Variants in BEND5 observed in about 807,000 individuals in gnomAD.
The protein encoded by BEND5 is BEN domain-containing protein 5.
In BEND5, 22 loss-of-function variants were observed where a neutral mutation model predicts 43.9. The ratio of observed to expected loss-of-function variants is 0.50; its 90% CI spans 0.36 to 0.72. The LOEUF (loss-of-function observed/expected upper bound fraction) is 0.72. Ranked by LOEUF, BEND5 falls within the 30% of genes least tolerant of loss-of-function variation. BEND5 has a pLI of 0.00. For missense variants in BEND5, 428 were observed against 550.6 expected, an observed-to-expected ratio of 0.78 and a Z score of 2.23; for synonymous variants, 228 against 225.9, an observed-to-expected ratio of 1.01 and a Z score of -0.08.
At chr1:48,728,444 T>C (rs1647552147) in intron 5 of BEND5, among the ~76,000 whole-genome samples, 1 of 151,492 alleles carries the variant, frequency 6.6e-6, no homozygotes, top group Non-Finnish European at 1.5e-5. Flanking sequence ...CCATTTTCAA[T>C]CTTTTTATAA....
At chr1:48,728,428 T>C (rs1302343237) in intron 5 of BEND5, among the ~76,000 whole-genome samples, 2 of 152,036 alleles carry the variant, frequency 1.3e-5, no homozygotes, top group African/African-American at 4.8e-5. Context: ...TAAAATAGTT[T>C]ATTTTCCATT....
intron 5 of BEND5, among the ~76,000 whole-genome samples, chr1:48,734,034 C>T (rs946399123): frequency 6.6e-5 from 10 of 152,166 alleles, no homozygotes; most frequent in Admixed American, 2.0e-4. Flanking sequence ...AATTAGAGGT[C>T]GGTCACCTAC....
At chr1:48,759,503 CAA>C in intron 2 of BEND5, 5 of 938,620 alleles carry the variant, frequency 5.3e-6, no homozygotes, top group East Asian at 2.9e-5. Context: ...GGGGCTTGCC[CAA>C]AGTCATAACC....
In BEND5 at chr1:48,761,593, C is replaced by G. The variant is rs888563037; in HGVS notation, c.227-123G>C. ...GGCCAGACCAGTTAAAAAGGAAAAA[C>G]AAACAGACTCAAGGCTGGTTCCCTC... On this transcript the variant is annotated intron_variant, in intron 1 of 5. Coordinates refer to ENST00000371833, the MANE Select transcript of BEND5 (RefSeq NM_024603.4). 3 of 993,924 alleles carry G rather than the reference C, an allele frequency of 3.0e-6. No homozygotes were observed. In the Admixed American group the frequency reaches 8.3e-5, roughly 27 times the overall value. The allele number at this position is 993,924 out of a possible 1,614,324, so 61.6% of individuals were successfully genotyped here.
chr1:48,737,233 G>T (rs190570027), intron 4 of BEND5, among the ~76,000 whole-genome samples: 9 of 152,206 alleles, frequency 5.9e-5, no homozygotes, highest in Admixed American at 3.3e-4. Flanking sequence ...GCAGTGAGCC[G>T]AGATCGTGCC....
intron 1 of BEND5, among the ~76,000 whole-genome samples, chr1:48,773,825 G>T (rs1369459860): frequency 6.6e-6 from 1 of 152,180 alleles, no homozygotes; most frequent in Non-Finnish European, 1.5e-5. Flanking sequence ...ACTAACCACA[G>T]CAATACCTAC....
At chr1:48,772,779 A>G (rs1432706048) in intron 1 of BEND5, among the ~76,000 whole-genome samples, 1 of 152,258 alleles carries the variant, frequency 6.6e-6, no homozygotes, top group Non-Finnish European at 1.5e-5. Context: ...ATAAGAGCTG[A>G]TGCTGACCTG....
chr1:48,727,963 T>G lies in BEND5; in HGVS notation c.1189A>C (p.Ile397Leu), dbSNP rs1349322957. The G allele has an allele frequency of 7.4e-6, 12 of 1,611,932 alleles. No homozygotes were observed. The Admixed American group carries it at 1.8e-4, about 25-fold the overall frequency. Residue 397 changes from isoleucine to leucine, a missense_variant, in exon 6 of 6, where the codon ATC becomes CTC. Physicochemically the swap from Ile to Leu is conservative, Grantham distance 5. Coordinates refer to ENST00000371833, the MANE Select transcript of BEND5 (RefSeq NM_024603.4). ...TTGATATCCATGATTTTTTCACAGA[T>G]GTACTTGTTGACTTTGGAGAGTCTC... Reference protein sequence around the residue: ...AQRLSKVNKYICEKIMDINKS... With the variant: ...AQRLSKVNKYLCEKIMDINKS...
At chr1:48,772,405 C>A (rs900631553) in intron 1 of BEND5, among the ~76,000 whole-genome samples, 1 of 152,184 alleles carries the variant, frequency 6.6e-6, no homozygotes. Flanking sequence ...CCTTCCCCAC[C>A]TGTAGGTGAG....
intron 1 of BEND5, among the ~76,000 whole-genome samples, chr1:48,765,623 T>A (rs1186016785): frequency 1.3e-5 from 2 of 152,066 alleles, no homozygotes; most frequent in African/African-American, 2.4e-5. Flanking sequence ...CAAATGTTCA[T>A]AACAGCATTA....
At chr1:48,769,247 G>A (rs1431622134) in intron 1 of BEND5, among the ~76,000 whole-genome samples, 4 of 152,068 alleles carry the variant, frequency 2.6e-5, no homozygotes, top group Non-Finnish European at 5.9e-5. Flanking sequence ...GCCCTACTGA[G>A]GCCATCCACA....
chr1:48,765,312 A>G (rs1644476939), intron 1 of BEND5, among the ~76,000 whole-genome samples: 1 of 152,246 alleles, frequency 6.6e-6, no homozygotes, highest in Admixed American at 6.5e-5. Context: ...GAGTATATGA[A>G]AGGAGCTCAA....
chr1:48,749,075 G>A (rs1189782454), intron 3 of BEND5, among the ~76,000 whole-genome samples: 1 of 152,012 alleles, frequency 6.6e-6, no homozygotes, highest in Non-Finnish European at 1.5e-5. Flanking sequence ...GAAGAAAGAG[G>A]TGAAAAAAGC....
intron 3 of BEND5, among the ~76,000 whole-genome samples, chr1:48,746,082 A>G (rs1432009625): frequency 1.3e-5 from 2 of 152,176 alleles, no homozygotes; most frequent in African/African-American, 4.8e-5. Context: ...CACATAAATA[A>G]TTGCTTAACC....
chr1:48,754,631 C>T (rs1022661579), intron 3 of BEND5, among the ~76,000 whole-genome samples: 7 of 152,050 alleles, frequency 4.6e-5, no homozygotes, highest in South Asian at 2.1e-4. Flanking sequence ...ATGGGGGTCA[C>T]GGGGCAAAAG....
At chr1:48,763,601 T>G (rs990095949) in intron 1 of BEND5, among the ~76,000 whole-genome samples, 2 of 152,102 alleles carry the variant, frequency 1.3e-5, no homozygotes, top group Non-Finnish European at 2.9e-5. Flanking sequence ...GTTTGACAAG[T>G]TGAGGGCAAA....
intron 3 of BEND5, among the ~76,000 whole-genome samples, chr1:48,753,277 G>A (rs1364205835): frequency 1.3e-5 from 2 of 152,182 alleles, no homozygotes; most frequent in Non-Finnish European, 2.9e-5. Context: ...ATACCTAGAG[G>A]AGAAAACAGA....
At chr1:48,728,391 G>A (rs1397651067) in intron 5 of BEND5, among the ~76,000 whole-genome samples, 4 of 148,908 alleles carry the variant, frequency 2.7e-5, no homozygotes, top group African/African-American at 7.4e-5. Flanking sequence ...TTTTCTTTTA[G>A]TGTTAACACA....
chr1:48,755,641 T>G (rs952217421), intron 3 of BEND5, among the ~76,000 whole-genome samples: 1 of 152,158 alleles, frequency 6.6e-6, no homozygotes, highest in Non-Finnish European at 1.5e-5. Flanking sequence ...GTTCTCTGCC[T>G]TCTTAGTGGT....
Sources: allele counts gnomAD v4.1 joint callset (sites outside exome capture counted in the v4.1 genomes callset), GRCh38; gene constraint gnomAD v4.1.1; transcripts MANE v1.5; gene names NCBI Gene and HGNC (gene_info 2026-07-23, HGNC 2026-07-21).